Variants in SLC24A2 observed in about 807,000 individuals in gnomAD.
SLC24A2 encodes sodium/potassium/calcium exchanger 2.
In SLC24A2, 36 loss-of-function variants were observed where a neutral mutation model predicts 62.0. That is an observed-to-expected ratio of 0.58 (90% CI 0.44 to 0.77). SLC24A2 has a LOEUF of 0.77. Ranked by LOEUF, SLC24A2 falls within the 30% of genes least tolerant of loss-of-function variation. SLC24A2 has a pLI of 0.00. For synonymous variants in SLC24A2, 358 were observed against 294.0 expected (o/e 1.22, Z -2.23); for missense variants, 846 against 817.9 (o/e 1.03, Z -0.42).
chr9:19,776,098 C>T (rs1462423272), intron 2 of SLC24A2, among the ~76,000 whole-genome samples: 2 of 152,090 alleles, frequency 1.3e-5, no homozygotes, highest in Non-Finnish European at 2.9e-5. Flanking sequence ...CATGCATGTG[C>T]ACATACATAT....
At chr9:20,182,345 T>C in the SLC24A2 span, among the ~76,000 whole-genome samples, 5 of 152,248 alleles carry the variant, frequency 3.3e-5, no homozygotes, top group African/African-American at 7.2e-5. Flanking sequence ...CCTATGTTTA[T>C]TGTGGTACTA....
chr9:19,993,738 C>T, the SLC24A2 span, among the ~76,000 whole-genome samples: 1 of 152,250 alleles, frequency 6.6e-6, no homozygotes, highest in African/African-American at 2.4e-5. Flanking sequence ...TGGTCCTGTT[C>T]TATTCCCTAA....
the SLC24A2 span, among the ~76,000 whole-genome samples, chr9:19,861,305 A>G: frequency 1.3e-5 from 2 of 152,242 alleles, no homozygotes; most frequent in African/African-American, 2.4e-5. Context: ...CTGGTAATTC[A>G]AAGAATTCTT....
chr9:19,940,116 T>A, the SLC24A2 span, among the ~76,000 whole-genome samples: 1 of 152,230 alleles, frequency 6.6e-6, no homozygotes, highest in South Asian at 2.1e-4. Flanking sequence ...AAAAAACTCA[T>A]CAAAGGCTGC....
the SLC24A2 span, among the ~76,000 whole-genome samples, chr9:19,941,554 G>A: frequency 1.3e-5 from 1 of 77,854 alleles, no homozygotes; most frequent in East Asian, 3.1e-4. Flanking sequence ...TAGAGGACTG[G>A]GAGTGTGTGT....
intron 2 of SLC24A2, among the ~76,000 whole-genome samples, chr9:19,663,446 C>A (rs1307286544): frequency 6.6e-6 from 1 of 152,160 alleles, no homozygotes; most frequent in Non-Finnish European, 1.5e-5. Context: ...GCAGTCCCCC[C>A]ACCAGCAGAG....
chr9:20,283,751 A>AGGG, the SLC24A2 span, among the ~76,000 whole-genome samples: 5 of 80,010 alleles, frequency 6.2e-5, no homozygotes, highest in African/African-American at 2.3e-4. Flanking sequence ...AGAAAAAAAA[A>AGGG]GGGGGGGGGG....
At chr9:20,273,156 C>T in the SLC24A2 span, among the ~76,000 whole-genome samples, 2 of 152,234 alleles carry the variant, frequency 1.3e-5, no homozygotes, top group Non-Finnish European at 1.5e-5. Flanking sequence ...ACAGGACACA[C>T]TGCCCCCAAA....
At chr9:20,211,477 A>G in the SLC24A2 span, among the ~76,000 whole-genome samples, 21 of 152,168 alleles carry the variant, frequency 1.4e-4, no homozygotes, top group African/African-American at 5.1e-4. Flanking sequence ...ACACCATTGC[A>G]CTCCAGCCTG....
chr9:19,557,703 G>A (rs1256769591), intron 7 of SLC24A2, among the ~76,000 whole-genome samples: 1 of 151,808 alleles, frequency 6.6e-6, no homozygotes, highest in Non-Finnish European at 1.5e-5. Flanking sequence ...CCATCGTGCA[G>A]CCTGGGTCTG....
chr9:19,783,548 C>T (rs1823075829), intron 2 of SLC24A2, among the ~76,000 whole-genome samples: 1 of 152,156 alleles, frequency 6.6e-6, no homozygotes, highest in Non-Finnish European at 1.5e-5. Flanking sequence ...CAGGATTCAT[C>T]CCCATTTCAG....
At chr9:19,833,139 C>A in the SLC24A2 span, among the ~76,000 whole-genome samples, 1 of 152,112 alleles carries the variant, frequency 6.6e-6, no homozygotes, top group Admixed American at 6.5e-5. Flanking sequence ...GTCTACAGCT[C>A]CCAGCATGAG....
At chr9:20,110,396 A>T in the SLC24A2 span, among the ~76,000 whole-genome samples, 15 of 152,170 alleles carry the variant, frequency 9.9e-5, no homozygotes, top group African/African-American at 3.4e-4. Flanking sequence ...TTCTGTAAAT[A>T]ATCAAATCAA....
the SLC24A2 span, among the ~76,000 whole-genome samples, chr9:19,880,555 G>A: frequency 6.6e-6 from 1 of 152,204 alleles, no homozygotes; most frequent in Non-Finnish European, 1.5e-5. Flanking sequence ...GAAAATCTAG[G>A]TGAGAGAAGT....
the SLC24A2 span, among the ~76,000 whole-genome samples, chr9:19,840,514 G>A: frequency 6.6e-6 from 1 of 151,986 alleles, no homozygotes; most frequent in Non-Finnish European, 1.5e-5. Context: ...TGATTTCTGG[G>A]GAATGACCTT....
At chr9:20,249,574 G>A in the SLC24A2 span, among the ~76,000 whole-genome samples, 3 of 151,772 alleles carry the variant, frequency 2.0e-5, no homozygotes, top group Admixed American at 6.6e-5. Flanking sequence ...ACGTGGTGGC[G>A]GGCTCCTGTA....
chr9:20,202,966 G>A, the SLC24A2 span, among the ~76,000 whole-genome samples: 2 of 152,140 alleles, frequency 1.3e-5, no homozygotes, highest in Non-Finnish European at 2.9e-5. Context: ...TTGGAGTAAA[G>A]TAGATTTCCA....
chr9:19,552,168 G>C (rs2132755628), intron 7 of SLC24A2, among the ~76,000 whole-genome samples: 1 of 152,092 alleles, frequency 6.6e-6, no homozygotes, highest in South Asian at 2.1e-4. Context: ...TCCATCCTGA[G>C]GGCTCCCATC....
chr9:19,577,382 T>A (rs561102981), intron 5 of SLC24A2, among the ~76,000 whole-genome samples: 15 of 152,318 alleles, frequency 9.8e-5, no homozygotes, highest in Admixed American at 3.3e-4. Context: ...AGACCAGATT[T>A]TGACAATGGG....
Sources: allele counts gnomAD v4.1 joint callset (sites outside exome capture counted in the v4.1 genomes callset), GRCh38; gene constraint gnomAD v4.1.1; transcripts MANE v1.5; gene names NCBI Gene and HGNC (gene_info 2026-07-23, HGNC 2026-07-21).